EFCAB6: variants seen among roughly 807,000 people sequenced by gnomAD.
The protein encoded by EFCAB6 is EF-hand calcium binding domain 6.
Under a neutral mutation model 169.8 loss-of-function variants are expected in EFCAB6, and 156 were observed. That is an observed-to-expected ratio of 0.92 (90% CI 0.81 to 1.05). The LOEUF is 1.05. Ranked by LOEUF, EFCAB6 falls within the 50% of genes least tolerant of loss-of-function variation. The probability of loss-of-function intolerance (pLI) is 0.00; values close to 1 mark genes in which losing one functional copy is unlikely to be tolerated. For missense variants in EFCAB6, 1,800 were observed against 1,829.1 expected (o/e 0.98, Z 0.29); for synonymous variants, 698 against 676.4 (o/e 1.03, Z -0.50).
intron 20 of EFCAB6, among the ~76,000 whole-genome samples, chr22:43,616,470 C>T (rs1486309666): frequency 7.2e-5 from 11 of 152,184 alleles, no homozygotes; most frequent in Non-Finnish European, 7.3e-5. Flanking sequence ...CGAGATCAGG[C>T]TGGCCACCAT....
chr22:43,783,779 CTAGCA>C (rs1330133907), intron 2 of EFCAB6, among the ~76,000 whole-genome samples: 1 of 152,148 alleles, frequency 6.6e-6, no homozygotes, highest in African/African-American at 2.4e-5. Context: ...TGTCATGGGC[CTAGCA>C]TGATGTCTCA....
intron 13 of EFCAB6, among the ~76,000 whole-genome samples, chr22:43,674,281 C>T (rs564532082): frequency 6.6e-6 from 1 of 152,170 alleles, no homozygotes; most frequent in Non-Finnish European, 1.5e-5. Context: ...CATGTTTATT[C>T]ATTCATTCAA....
chr22:43,623,709 C>G (rs867212650), intron 20 of EFCAB6, among the ~76,000 whole-genome samples: 26 of 130,354 alleles, frequency 2.0e-4, no homozygotes, highest in Middle Eastern at 8.5e-3. Flanking sequence ...TCCTGGCTAA[C>G]ATAGTGAAAC....
At chr22:43,561,090 G>A (rs1362200127) in intron 26 of EFCAB6, among the ~76,000 whole-genome samples, 13 of 152,164 alleles carry the variant, frequency 8.5e-5, no homozygotes, top group Admixed American at 8.5e-4. Flanking sequence ...TGGGTGCAGT[G>A]GCTCACACCT....
At chr22:43,728,360 T>C (rs1386495299) in intron 8 of EFCAB6, among the ~76,000 whole-genome samples, 1 of 152,208 alleles carries the variant, frequency 6.6e-6, no homozygotes, top group Non-Finnish European at 1.5e-5. Context: ...CAAATAGTGC[T>C]GCAATAAACA....
Position 43,667,302 on chromosome 22 carries a change from G to A in EFCAB6, c.1815-30C>T, listed in dbSNP as rs752110710. ...AATCACAAGCAGGCATTTAGACCCA[G>A]TGTCAACTGACACACGCAGGGTGCT... is the stretch of plus-strand genomic sequence containing the variant. On this transcript the variant is annotated intron_variant, in intron 16 of 31. Coordinates refer to ENST00000262726, the MANE Select transcript of EFCAB6 (RefSeq NM_022785.4). The A allele has an allele frequency of 1.9e-6, 3 of 1,606,662 alleles. No homozygotes were observed. In the East Asian group the frequency reaches 6.7e-5, roughly 36 times the overall value.
intron 6 of EFCAB6, among the ~76,000 whole-genome samples, chr22:43,748,695 T>C (rs1209623481): frequency 1.3e-5 from 2 of 152,134 alleles, no homozygotes; most frequent in African/African-American, 4.8e-5. Flanking sequence ...ACAGAAAAGG[T>C]GCCTGCTCCC....
At chr22:43,764,845 T>G (rs966707585) in intron 5 of EFCAB6, among the ~76,000 whole-genome samples, 1 of 152,202 alleles carries the variant, frequency 6.6e-6, no homozygotes, top group African/African-American at 2.4e-5. Flanking sequence ...CCATGCTTTA[T>G]GCAAAAACTA....
chr22:43,609,511 A>G (rs975127033), intron 21 of EFCAB6, among the ~76,000 whole-genome samples: 1 of 152,238 alleles, frequency 6.6e-6, no homozygotes, highest in Non-Finnish European at 1.5e-5. Flanking sequence ...CAGTTTTTAC[A>G]TATCAGACAC....
chr22:43,789,193 TG>T (rs2062182514), intron 2 of EFCAB6, among the ~76,000 whole-genome samples: 1 of 152,202 alleles, frequency 6.6e-6, no homozygotes, highest in South Asian at 2.1e-4. Flanking sequence ...GATTAGATAA[TG>T]GTGATAGTTG....
At chr22:43,531,404 G>C (rs2047060272) in intron 30 of EFCAB6, among the ~76,000 whole-genome samples, 3 of 152,122 alleles carry the variant, frequency 2.0e-5, no homozygotes, top group Non-Finnish European at 4.4e-5. Context: ...AGAGATTTCA[G>C]TCTGTGTTTT....
At chr22:43,662,644 C>T (rs1376308149) in intron 17 of EFCAB6, among the ~76,000 whole-genome samples, 3 of 151,184 alleles carry the variant, frequency 2.0e-5, no homozygotes, top group Non-Finnish European at 4.4e-5. Context: ...TATCCATGAC[C>T]AAAAGGACAG....
chr22:43,734,949 C>T (rs1014203838), intron 7 of EFCAB6, among the ~76,000 whole-genome samples: 10 of 152,144 alleles, frequency 6.6e-5, no homozygotes, highest in Non-Finnish European at 1.3e-4. Context: ...CAACTTAGAA[C>T]ACCAGTGCAA....
At chr22:43,685,057 A>G (rs1853083900) in intron 11 of EFCAB6, among the ~76,000 whole-genome samples, 1 of 152,184 alleles carries the variant, frequency 6.6e-6, no homozygotes, top group South Asian at 2.1e-4. Context: ...TAAAACCCCA[A>G]AGCCAAATTC....
intron 10 of EFCAB6, among the ~76,000 whole-genome samples, chr22:43,689,968 G>A (rs2058345569): frequency 6.6e-6 from 1 of 152,178 alleles, no homozygotes; most frequent in South Asian, 2.1e-4. Flanking sequence ...ATCCAATTGA[G>A]TAAATTTAAA....
At chr22:43,756,040 T>A (rs1388677779) in intron 5 of EFCAB6, among the ~76,000 whole-genome samples, 1 of 152,188 alleles carries the variant, frequency 6.6e-6, no homozygotes, top group Non-Finnish European at 1.5e-5. Context: ...AAATGAAATA[T>A]AGTAGCATTT....
At chr22:43,683,961 C>A (rs2058096220) in intron 11 of EFCAB6, 106 bp from the exon 12 acceptor site, 3 of 803,412 alleles carry the variant, frequency 3.7e-6, no homozygotes, top group Non-Finnish European at 6.2e-6. Flanking sequence ...GTAGAGCTTT[C>A]TCTGTGCGTG....
chr22:43,608,437 CT>C (rs1239719354), intron 22 of EFCAB6, 44 bp downstream of exon 22: 6 of 1,572,774 alleles, frequency 3.8e-6, no homozygotes, highest in Non-Finnish European at 5.2e-6. Context: ...GCAAGCACCC[CT>C]AGTCCATAAG....
intron 10 of EFCAB6, 56 bp downstream of exon 10, chr22:43,711,419 A>C: frequency 6.7e-7 from 1 of 1,487,298 alleles, no homozygotes; most frequent in Non-Finnish European, 8.9e-7. Flanking sequence ...GCTGTGCCTT[A>C]TTCTTACGGT....
Sources: gnomAD v4.1 joint callset for allele counts (sites outside exome capture counted in the v4.1 genomes callset) on GRCh38, gnomAD v4.1.1 for gene constraint, MANE v1.5 for transcripts, NCBI Gene and HGNC (gene_info 2026-07-23, HGNC 2026-07-21) for gene names.